ADAMTSL1: variants seen among roughly 807,000 people sequenced by gnomAD.
The protein encoded by ADAMTSL1 is ADAMTS like 1.
ADAMTSL1 carries 126 observed loss-of-function variants against 201.8 expected under a neutral mutation model. The observed-to-expected ratio is 0.62, with a 90% CI of 0.54 to 0.72. The LOEUF is 0.72. Ranked by LOEUF, ADAMTSL1 falls within the 30% of genes least tolerant of loss-of-function variation. The pLI is 0.00. For missense variants in ADAMTSL1, 2,679 were observed against 2,277.8 expected (o/e 1.18, Z -3.59); for synonymous variants, 1,121 against 903.4 (o/e 1.24, Z -4.32).
At chr9:18,674,057 G>A (rs776766) in intron 9 of ADAMTSL1, among the ~76,000 whole-genome samples, 103,952 of 151,460 alleles carry the variant, frequency 0.69, 35,833 homozygotes, top group Non-Finnish European at 0.71. Context: ...AGAAAAAAAT[G>A]GGATGGTTCA....
intron 1 of ADAMTSL1, among the ~76,000 whole-genome samples, chr9:18,080,228 T>C (rs912289806): frequency 1.3e-5 from 2 of 152,118 alleles, no homozygotes; most frequent in Admixed American, 6.5e-5. Flanking sequence ...AGAGTAGTGA[T>C]CACAAAGTTG....
intron 2 of ADAMTSL1, among the ~76,000 whole-genome samples, chr9:18,313,920 A>C (rs1834250790): frequency 6.6e-6 from 1 of 152,198 alleles, no homozygotes; most frequent in African/African-American, 2.4e-5. Context: ...AATAATTTGC[A>C]AACCATATAT....
intron 7 of ADAMTSL1, 65 bp from the exon 8 acceptor site, chr9:18,657,574 A>G: frequency 8.0e-7 from 1 of 1,253,152 alleles, no homozygotes; most frequent in Non-Finnish European, 1.2e-6. Context: ...TCTTGTTCGA[A>G]GCTGCAAGGG....
At chr9:18,373,032 G>A (rs370992143) in intron 2 of ADAMTSL1, among the ~76,000 whole-genome samples, 23 of 152,238 alleles carry the variant, frequency 1.5e-4, no homozygotes, top group African/African-American at 5.1e-4. Flanking sequence ...GAGGCTAGCC[G>A]CATGATCCTT....
chr9:18,238,136 C>T (rs2132436865), intron 2 of ADAMTSL1, among the ~76,000 whole-genome samples: 1 of 152,246 alleles, frequency 6.6e-6, no homozygotes, highest in Non-Finnish European at 1.5e-5. Flanking sequence ...TTGACTGTTG[C>T]CTTTCATGGA....
chr9:18,247,097 CA>C (rs1380475998), intron 2 of ADAMTSL1, among the ~76,000 whole-genome samples: 3 of 151,786 alleles, frequency 2.0e-5, no homozygotes, highest in Admixed American at 1.3e-4. Context: ...AGATACATGA[CA>C]AAAGGGTTAA....
intron 1 of ADAMTSL1, among the ~76,000 whole-genome samples, chr9:18,008,360 T>C (rs1350817571): frequency 6.6e-6 from 1 of 151,956 alleles, no homozygotes; most frequent in Non-Finnish European, 1.5e-5. Context: ...AGCTTAAATC[T>C]CTTTAAAGAG....
chr9:17,942,872 C>T lies in ADAMTSL1; in HGVS notation c.87+35950C>T, dbSNP rs562123680. Among the ~76,000 whole-genome samples, 6 of 152,268 alleles carry T rather than the reference C, an allele frequency of 3.9e-5. No individual in the cohort carries two copies. The East Asian group carries it at 1.2e-3, about 29-fold the overall frequency. ...TATTTCAGTATTTTAACCATCAGTA[C>T]ATTCCATCTGAATGTCAACCCTGAT... On this transcript the variant is annotated intron_variant, in intron 1 of 29. Transcript: ENST00000680146.
Position 18,252,051 on chromosome 9 carries a change from T to A in ADAMTSL1, c.207+88070T>A, listed in dbSNP as rs1025107436. ...TTCCTACCAAGACAGGAAACCAAGA[T>A]ACTAAAAGAAAAAAAATGAACCATG... On this transcript the variant is annotated intron_variant, in intron 2 of 29. Coordinates refer to the ADAMTSL1 transcript ENST00000680146. Among the ~76,000 whole-genome samples, 24 of 151,686 alleles carry A rather than the reference T, an allele frequency of 1.6e-4. 1 individual carries two copies. Among genetic ancestry groups the A allele is most frequent in the Middle Eastern group, 6.8e-3 (2 of 294 alleles).
intron 1 of ADAMTSL1, among the ~76,000 whole-genome samples, chr9:18,153,566 G>A (rs1371202314): frequency 6.6e-6 from 1 of 152,006 alleles, no homozygotes; most frequent in African/African-American, 2.4e-5. Flanking sequence ...GAGGCTGAAA[G>A]GTACTTGGTT....
At chr9:18,005,128 T>A (rs1329756204) in intron 1 of ADAMTSL1, among the ~76,000 whole-genome samples, 6 of 152,088 alleles carry the variant, frequency 3.9e-5, no homozygotes, top group African/African-American at 1.4e-4. Context: ...CAAGAGCACA[T>A]AACTGAGTTT....
chr9:18,366,615 C>G, intron 2 of ADAMTSL1, among the ~76,000 whole-genome samples: 1 of 136,086 alleles, frequency 7.3e-6, no homozygotes, highest in Admixed American at 7.5e-5. Flanking sequence ...GATAGTGCCT[C>G]TGAAATCACT....
chr9:18,263,177 A>G (rs1473018419), intron 2 of ADAMTSL1, among the ~76,000 whole-genome samples: 1 of 152,194 alleles, frequency 6.6e-6, no homozygotes, highest in African/African-American at 2.4e-5. Flanking sequence ...TAAAGAAACC[A>G]TAACCACATG....
At chr9:18,304,640 G>C (rs1228930401) in intron 2 of ADAMTSL1, among the ~76,000 whole-genome samples, 2 of 148,854 alleles carry the variant, frequency 1.3e-5, no homozygotes, top group South Asian at 2.1e-4. Flanking sequence ...GTAGCACAAG[G>C]GCCTAAACTT....
intron 2 of ADAMTSL1, among the ~76,000 whole-genome samples, chr9:18,178,612 G>T (rs1587239432): frequency 6.6e-6 from 1 of 151,666 alleles, no homozygotes; most frequent in Non-Finnish European, 1.5e-5. Context: ...AACCTCTGCA[G>T]ACTTAAATGT....
chr9:18,092,849 A>G (rs898565404), intron 1 of ADAMTSL1, among the ~76,000 whole-genome samples: 3 of 152,230 alleles, frequency 2.0e-5, no homozygotes, highest in African/African-American at 7.2e-5. Flanking sequence ...TAATGAAAAT[A>G]TTTCATGACC....
rs16936831 is a variant in ADAMTSL1, at chr9:18,533,095, A to G, written c.192-152A>G. Reference sequence around the variant, plus strand: ...TCTATAACTTCTTTAAATCTGCTCAATTTGATTTTTAATAGTAAACCCTCT... The same window carrying G: ...TCTATAACTTCTTTAAATCTGCTCAGTTTGATTTTTAATAGTAAACCCTCT... On this transcript the variant is annotated intron_variant, in intron 2 of 28. Coordinates refer to ENST00000380548, the MANE Select transcript of ADAMTSL1 (RefSeq NM_001040272.6). 4.3e-3 allele frequency: 2,284 copies of G among 529,680 alleles called. 45 individuals carry two copies. The highest frequency in any genetic ancestry group is 0.04 in the African/African-American group (2,070 of 52,060). 32.8% of individuals were successfully genotyped at this position (529,680 alleles called of 1,614,324 possible).
intron 1 of ADAMTSL1, among the ~76,000 whole-genome samples, chr9:18,095,989 T>C (rs1178593713): frequency 6.6e-6 from 1 of 152,204 alleles, no homozygotes; most frequent in African/African-American, 2.4e-5. Flanking sequence ...TTTGGTCTTG[T>C]CTGTATTGTA....
intron 1 of ADAMTSL1, among the ~76,000 whole-genome samples, chr9:17,968,580 T>C (rs933560215): frequency 2.6e-5 from 4 of 152,098 alleles, no homozygotes; most frequent in African/African-American, 7.2e-5. Flanking sequence ...GTTGGCACCA[T>C]TGGCATTGTA....
Sources: gnomAD v4.1 joint callset for allele counts (sites outside exome capture counted in the v4.1 genomes callset) on GRCh38, gnomAD v4.1.1 for gene constraint, MANE v1.5 for transcripts, NCBI Gene and HGNC (gene_info 2026-07-23, HGNC 2026-07-21) for gene names.